Variants in ANO6 observed in about 807,000 individuals in gnomAD.
The protein encoded by ANO6 is anoctamin 6.
ANO6 carries 106 observed loss-of-function variants against 117.5 expected under a neutral mutation model. The observed-to-expected ratio is 0.90, with a 90% CI of 0.77 to 1.06. ANO6 has a LOEUF of 1.06. ANO6 is among the 50% of genes least tolerant of loss of function. The pLI, the probability that ANO6 is intolerant of heterozygous loss-of-function variation, is 0.00. For missense variants in ANO6, 955 were observed against 1,121.1 expected (o/e 0.85, Z 2.12); for synonymous variants, 367 against 385.1 (o/e 0.95, Z 0.55).
downstream of ANO6, among the ~76,000 whole-genome samples, chr12:45,434,223 G>A (rs1943682276): frequency 6.6e-6 from 1 of 152,176 alleles, no homozygotes; most frequent in African/African-American, 2.4e-5. Context: ...GGGTGGATAA[G>A]CACATTTATG....
intron 12 of ANO6, among the ~76,000 whole-genome samples, chr12:45,392,146 C>CAAATACTGCA (rs1942470756): frequency 6.6e-6 from 1 of 152,188 alleles, no homozygotes; most frequent in Admixed American, 6.5e-5. Context: ...ACCCCCTGCC[C>CAAATACTGCA]AAATACTGCA....
chr12:45,396,098 A>G lies in ANO6; in HGVS notation c.1386+5600A>G, dbSNP rs180754128. On this transcript the variant is annotated intron_variant, in intron 12 of 19. Coordinates refer to ENST00000320560, the MANE Select transcript of ANO6 (RefSeq NM_001025356.3). ...GATTTTATATTTAGAAAACCCCATC[A>G]TCTCAGCCCAAAATCTCCTTAAGCT... Among the ~76,000 whole-genome samples the G allele has an allele frequency of 1.8e-4, 27 of 152,258 alleles. No individual in the cohort carries two copies. The East Asian group carries it at 4.6e-3, about 26-fold the overall frequency.
rs1943598889 is a variant in ANO6, at chr12:45,430,131, A to C, written c.*820A>C. The C allele has an allele frequency of 1.0e-6, 1 of 985,430 alleles. No individual in the cohort carries two copies. The highest frequency in any genetic ancestry group is 1.7e-5 in the African/African-American group (1 of 57,378). The allele number at this position is 985,430 out of a possible 1,614,324, so 61.0% of individuals were successfully genotyped here. On this transcript the variant is annotated 3_prime_UTR_variant, in exon 20 of 20. Coordinates refer to ENST00000320560, the MANE Select transcript of ANO6 (RefSeq NM_001025356.3). ...TAACTCATGTTGATCTGGATAATTAATCTTTTCTAAAGATGTGTAGTTTCT... is the reference window on the plus strand; with the variant it reads ...TAACTCATGTTGATCTGGATAATTACTCTTTTCTAAAGATGTGTAGTTTCT...
chr12:45,250,144 A>T lies in ANO6; in HGVS notation c.70+33753A>T, dbSNP rs952590748. Reference sequence around the variant, plus strand: ...ATAGGTTGTCTTAACTAGTTGGAGCAAAACAATGACTGTATAAGTACTAAA... The same window carrying T: ...ATAGGTTGTCTTAACTAGTTGGAGCTAAACAATGACTGTATAAGTACTAAA... On this transcript the variant is annotated intron_variant, in intron 1 of 19. Transcript: ENST00000320560. 4.6e-5 allele frequency among the ~76,000 whole-genome samples: 7 copies of T among 152,212 alleles called. 1 individual carries two copies. Among genetic ancestry groups the T allele is most frequent in the Admixed American group, 6.5e-5 (1 of 15,292 alleles).
chr12:45,401,980 C>T lies in ANO6; in HGVS notation c.1572C>T (p.Asn524=), dbSNP rs550503905. The change falls in exon 13 of 20, where the codon AAC becomes AAT. Residue 524 remains asparagine (N), a synonymous_variant. Transcript: ENST00000320560. ...GCTTTATAATTATCATGATTCTGAACACCATATATGAAAAAGTGGCAATTA... is the reference window on the plus strand; with the variant it reads ...GCTTTATAATTATCATGATTCTGAATACCATATATGAAAAAGTGGCAATTA... The part of the protein sequence containing the change: ...IISFIIIMIL[N]TIYEKVAIMI... The T allele has an allele frequency of 3.7e-6, 6 of 1,614,010 alleles. No homozygotes were observed. Among genetic ancestry groups the T allele is most frequent in the East Asian group, 2.2e-5 (1 of 44,882 alleles).
At chr12:45,356,915 T>G (rs1268215955) in intron 7 of ANO6, among the ~76,000 whole-genome samples, 2 of 152,220 alleles carry the variant, frequency 1.3e-5, no homozygotes, top group African/African-American at 4.8e-5. Context: ...CTGAGCAGAT[T>G]GTTCATGTTC....
rs1305111664 is a variant in ANO6, at chr12:45,431,575, T to C, written c.*2264T>C. ...ACATATTGAAAGGCACCAAATGTAA[T>C]ATCTGACACTGTTAAGATGCCCAAA... is the stretch of plus-strand genomic sequence containing the variant. On this transcript the variant is annotated 3_prime_UTR_variant, in exon 20 of 20. Coordinates refer to ENST00000320560, the MANE Select transcript of ANO6 (RefSeq NM_001025356.3). 1.0e-6 allele frequency: 1 copy of C among 985,304 alleles called. No homozygotes were observed. The highest frequency in any genetic ancestry group is 1.7e-5 in the African/African-American group (1 of 57,240). 61.0% of individuals were successfully genotyped at this position (985,304 alleles called of 1,614,324 possible).
chr12:45,234,479 C>T lies in ANO6; in HGVS notation c.70+18088C>T, dbSNP rs184272718. Among the ~76,000 whole-genome samples, 122 of 152,194 alleles carry T rather than the reference C, an allele frequency of 8.0e-4. 1 individual carries two copies. Among genetic ancestry groups the T allele is most frequent in the African/African-American group, 2.8e-3 (118 of 41,528 alleles). ...TTGGTAACTGAAAGAGCTCTGAGAA[C>T]GGAAAAGTTAGAGTGACCTATCCAA... is the stretch of plus-strand genomic sequence containing the variant. On this transcript the variant is annotated intron_variant, in intron 1 of 19. Transcript: ENST00000320560.
intron 1 of ANO6, among the ~76,000 whole-genome samples, chr12:45,254,527 TAAC>T (rs1937742369): frequency 6.6e-6 from 1 of 152,244 alleles, no homozygotes; most frequent in Non-Finnish European, 1.5e-5. Context: ...TCATAGATAC[TAAC>T]AATCACTTGT....
At chr12:45,324,291 T>C (rs923282304) in intron 2 of ANO6, among the ~76,000 whole-genome samples, 2 of 152,188 alleles carry the variant, frequency 1.3e-5, no homozygotes, top group Non-Finnish European at 2.9e-5. Flanking sequence ...GAAACATCTG[T>C]GCATCCCTAT....
intron 1 of ANO6, among the ~76,000 whole-genome samples, chr12:45,268,413 G>C (rs925000133): frequency 1.3e-5 from 2 of 152,126 alleles, no homozygotes; most frequent in Non-Finnish European, 2.9e-5. Context: ...CCAGCTACTC[G>C]AGAGCCTGAG....
chr12:45,278,627 A>T lies in ANO6; in HGVS notation c.71-23387A>T, dbSNP rs140827642. On this transcript the variant is annotated intron_variant, in intron 1 of 19. Transcript: ENST00000320560. ...CATCTTGTCCTTATTTCATGGATGC[A>T]CTTTTCTCAATCTCTGATGATGCAA... is the stretch of plus-strand genomic sequence containing the variant. Among the ~76,000 whole-genome samples, 12 of 151,884 alleles carry T rather than the reference A, an allele frequency of 7.9e-5. No homozygotes were observed. In the East Asian group the frequency reaches 1.7e-3, roughly 22 times the overall value.
chr12:45,395,463 AAG>A (rs1942584230), intron 12 of ANO6, among the ~76,000 whole-genome samples: 1 of 152,194 alleles, frequency 6.6e-6, no homozygotes, highest in African/African-American at 2.4e-5. Context: ...TCAATAGAAA[AAG>A]AGGGAATCCT....
chr12:45,324,522 A>G lies in ANO6; in HGVS notation c.151-6773A>G, dbSNP rs1472445044. Among the ~76,000 whole-genome samples the G allele has an allele frequency of 2.6e-5, 4 of 152,158 alleles. No homozygotes were observed. In the East Asian group the frequency reaches 7.7e-4, roughly 29 times the overall value. On this transcript the variant is annotated intron_variant, in intron 2 of 19. Transcript: ENST00000320560. ...GTCTGAGATTATGGCCCAGGGGTACATGTGACATAAGCGGTTGACTAGGGA... is the reference window on the plus strand; with the variant it reads ...GTCTGAGATTATGGCCCAGGGGTACGTGTGACATAAGCGGTTGACTAGGGA...
intron 1 of ANO6, among the ~76,000 whole-genome samples, chr12:45,247,470 A>G (rs1330092453): frequency 6.6e-6 from 1 of 152,202 alleles, no homozygotes; most frequent in Non-Finnish European, 1.5e-5. Flanking sequence ...TTATGTAGCA[A>G]TCAGATGGTT....
At chr12:45,362,995 T>G (rs1941593808) in intron 8 of ANO6, among the ~76,000 whole-genome samples, 1 of 152,206 alleles carries the variant, frequency 6.6e-6, no homozygotes, top group South Asian at 2.1e-4. Flanking sequence ...TCTCTGCTTT[T>G]TTTTTCTGTA....
rs1446727751 is a variant in ANO6 at position 45,390,470 on chromosome 12, C to G, written c.1358C>G (p.Thr453Ser). The G allele has an allele frequency of 1.2e-6, 2 of 1,613,796 alleles. No homozygotes were observed. Among genetic ancestry groups the G allele is most frequent in the South Asian group, 2.2e-5 (2 of 91,010 alleles). ...GCCTGGGGAAAATGTATACGGATAA[C>G]CCTCTGTGCCAGTGCTGTCTTTTTC... The part of the protein sequence containing the change: ...FTAWGKCIRI[T>S]LCASAVFFWI... The change falls in exon 12 of 20, where the codon ACC becomes AGC. Residue 453 changes from threonine to serine, a missense_variant. Transcript: ENST00000320560.
chr12:45,317,471 A>G (rs1177891106), intron 2 of ANO6, among the ~76,000 whole-genome samples: 1 of 151,592 alleles, frequency 6.6e-6, no homozygotes, highest in East Asian at 1.9e-4. Context: ...TTATGGCTGC[A>G]TAGTATTCCA....
chr12:45,397,353 G>A (rs1392721824), intron 12 of ANO6, among the ~76,000 whole-genome samples: 1 of 152,168 alleles, frequency 6.6e-6, no homozygotes, highest in Non-Finnish European at 1.5e-5. Context: ...TGCTGGATAG[G>A]ATGTGGAGAA....
Sources: gnomAD v4.1 joint callset for allele counts (sites outside exome capture counted in the v4.1 genomes callset) on GRCh38, gnomAD v4.1.1 for gene constraint, MANE v1.5 for transcripts, NCBI Gene and HGNC (gene_info 2026-07-23, HGNC 2026-07-21) for gene names.